Variants in SAMD4A observed in about 807,000 individuals in gnomAD.
SAMD4A encodes the protein protein Smaug homolog 1.
Under a neutral mutation model 81.3 loss-of-function variants are expected in SAMD4A, and 33 were observed. The observed-to-expected ratio is 0.41, with a 90% CI of 0.31 to 0.54. SAMD4A has a LOEUF of 0.54. Ranked by LOEUF, SAMD4A falls within the 20% of genes least tolerant of loss-of-function variation. SAMD4A has a pLI of 0.37. For missense variants in SAMD4A, 854 were observed against 951.1 expected, an observed-to-expected ratio of 0.90 and a Z score of 1.34; for synonymous variants, 389 against 382.1, an observed-to-expected ratio of 1.02 and a Z score of -0.21.
At chr14:54,643,343 C>G (rs2035216015) in intron 2 of SAMD4A, among the ~76,000 whole-genome samples, 1 of 152,214 alleles carries the variant, frequency 6.6e-6, no homozygotes, top group Non-Finnish European at 1.5e-5. Flanking sequence ...TCTCCTCCAC[C>G]CAGTTGTTGG....
At position 54,776,553 on chromosome 14, in the gene SAMD4A, G is replaced by A. The variant is rs371699518; in HGVS notation, c.2044+13G>A. The A allele has an allele frequency of 9.7e-6, 15 of 1,550,702 alleles. No individual in the cohort carries two copies. The highest frequency in any genetic ancestry group is 8.4e-5 in the African/African-American group (6 of 71,396). ...TTCCAGCAGCCAGGTAGGGCCCGGC[G>A]CTTCATGTCCCCTTGACACAGAGGG... On this transcript the variant is annotated intron_variant, in intron 11 of 12. Transcript: ENST00000554335.
chr14:54,568,961 C>T (rs978853357), intron 2 of SAMD4A, among the ~76,000 whole-genome samples: 1 of 151,754 alleles, frequency 6.6e-6, no homozygotes, highest in African/African-American at 2.4e-5. Context: ...CCAGCAGTTT[C>T]CTATTTGCTA....
intron 2 of SAMD4A, among the ~76,000 whole-genome samples, chr14:54,622,821 G>C (rs2034650512): frequency 6.6e-6 from 1 of 152,198 alleles, no homozygotes; most frequent in Non-Finnish European, 1.5e-5. Flanking sequence ...GGCATCACCT[G>C]GGAGGTGTTA....
At chr14:54,694,131 C>T (rs987946641) in intron 2 of SAMD4A, 2 of 152,538 alleles carry the variant, frequency 1.3e-5, no homozygotes, top group African/African-American at 4.8e-5. Flanking sequence ...GACTAACAGG[C>T]CATCATAAGG....
chr14:54,775,605 G>A (rs1359825711), intron 10 of SAMD4A, among the ~76,000 whole-genome samples: 1 of 152,076 alleles, frequency 6.6e-6, no homozygotes, highest in African/African-American at 2.4e-5. Context: ...CTGCCCAGAG[G>A]TTCTTGCTGT....
chr14:54,620,428 C>G (rs1456748606), intron 2 of SAMD4A, among the ~76,000 whole-genome samples: 2 of 152,102 alleles, frequency 1.3e-5, no homozygotes, highest in Non-Finnish European at 2.9e-5. Context: ...GCTGGTAAGG[C>G]CTGCATAAAA....
At chr14:54,582,563 G>A (rs983442566) in intron 2 of SAMD4A, among the ~76,000 whole-genome samples, 8 of 152,176 alleles carry the variant, frequency 5.3e-5, no homozygotes, top group Non-Finnish European at 1.2e-4. Flanking sequence ...TGAGGTGACG[G>A]CATGCCCTAG....
chr14:54,656,528 A>C (rs1403911835), intron 2 of SAMD4A, among the ~76,000 whole-genome samples: 1 of 151,966 alleles, frequency 6.6e-6, no homozygotes. Flanking sequence ...CCTGTCTGCC[A>C]GATACTGAAA....
intron 2 of SAMD4A, among the ~76,000 whole-genome samples, chr14:54,596,401 A>G (rs963419576): frequency 1.3e-5 from 2 of 152,122 alleles, no homozygotes; most frequent in Non-Finnish European, 1.5e-5. Context: ...CCTGCCCAAC[A>G]TGGTGAAACC....
At chr14:54,648,169 T>G (rs1053842535) in intron 2 of SAMD4A, among the ~76,000 whole-genome samples, 1 of 152,072 alleles carries the variant, frequency 6.6e-6, no homozygotes, top group Non-Finnish European at 1.5e-5. Flanking sequence ...GACAGAAACT[T>G]TTGTGAGACT....
Position 54,760,208 on chromosome 14 carries a change from C to T in SAMD4A, c.1224C>T (p.His408=). Residue 408 remains histidine (H), a synonymous_variant, in exon 7 of 13, where the codon CAC becomes CAT. Transcript: ENST00000554335. ...GSLRIPLQEL[H]QMILTPIKAY... is the part of the protein sequence containing the mutation. ...TGCGCATCCCGCTCCAGGAACTGCACCAGATGATCCTGACTCCGATCAAGG... is the reference window on the plus strand; with the variant it reads ...TGCGCATCCCGCTCCAGGAACTGCATCAGATGATCCTGACTCCGATCAAGG... 2 of 1,613,464 alleles carry T rather than the reference C, an allele frequency of 1.2e-6. No individual in the cohort carries two copies. Among genetic ancestry groups the T allele is most frequent in the Non-Finnish European group, 1.7e-6 (2 of 1,179,926 alleles).
intron 2 of SAMD4A, among the ~76,000 whole-genome samples, chr14:54,641,614 C>A (rs1365863445): frequency 6.6e-6 from 1 of 152,110 alleles, no homozygotes; most frequent in Non-Finnish European, 1.5e-5. Context: ...GCATTGCAGA[C>A]CCAGAGAGTA....
At chr14:54,630,578 A>G (rs2034871041) in intron 2 of SAMD4A, among the ~76,000 whole-genome samples, 1 of 152,180 alleles carries the variant, frequency 6.6e-6, no homozygotes, top group Non-Finnish European at 1.5e-5. Flanking sequence ...TCTGAGTATT[A>G]ACCCCTTATC....
intron 2 of SAMD4A, among the ~76,000 whole-genome samples, chr14:54,700,075 C>A (rs2036674326): frequency 6.6e-6 from 1 of 152,148 alleles, no homozygotes; most frequent in South Asian, 2.1e-4. Context: ...CTTGGGTCAT[C>A]TCTGGTTTCT....
intron 2 of SAMD4A, among the ~76,000 whole-genome samples, chr14:54,593,223 A>G (rs2033826244): frequency 6.6e-6 from 1 of 152,182 alleles, no homozygotes; most frequent in South Asian, 2.1e-4. Flanking sequence ...TTCTATAATT[A>G]TAGATGCTTA....
chr14:54,714,200 G>A (rs891517680), intron 3 of SAMD4A, among the ~76,000 whole-genome samples: 4 of 152,026 alleles, frequency 2.6e-5, no homozygotes, highest in Non-Finnish European at 5.9e-5. Context: ...CCCTTAATAC[G>A]TTACTGTCTT....
chr14:54,771,099 GC>G (rs1329212560), intron 9 of SAMD4A, among the ~76,000 whole-genome samples: 1 of 152,148 alleles, frequency 6.6e-6, no homozygotes, highest in Non-Finnish European at 1.5e-5. Flanking sequence ...ATTTGCGTAA[GC>G]GTGCCTTAAA....
chr14:54,712,459 TG>T (rs2140812640), intron 3 of SAMD4A, among the ~76,000 whole-genome samples: 2 of 152,306 alleles, frequency 1.3e-5, no homozygotes, highest in Non-Finnish European at 2.9e-5. Flanking sequence ...CCTTCCCCTT[TG>T]GGGGAAACTT....
At chr14:54,768,275 C>T (rs139916297) in intron 8 of SAMD4A, among the ~76,000 whole-genome samples, 1 of 152,322 alleles carries the variant, frequency 6.6e-6, no homozygotes, top group East Asian at 1.9e-4. Flanking sequence ...CAAAACAAAA[C>T]CCCAGTGTGA....
Sources: allele counts gnomAD v4.1 joint callset (sites outside exome capture counted in the v4.1 genomes callset), GRCh38; gene constraint gnomAD v4.1.1; transcripts MANE v1.5; gene names NCBI Gene and HGNC (gene_info 2026-07-23, HGNC 2026-07-21).